The following HTT variants were observed in gnomAD, a reference collection of about 807,000 sequenced individuals.
HTT encodes the protein huntington disease protein.
In HTT, 104 loss-of-function variants were observed where a neutral mutation model predicts 362.3. The ratio of observed to expected loss-of-function variants is 0.29; its 90% CI spans 0.24 to 0.34. The LOEUF (loss-of-function observed/expected upper bound fraction) is 0.34. Ranked by LOEUF, HTT falls within the 10% of genes least tolerant of loss-of-function variation. The probability of loss-of-function intolerance (pLI) is 1.00; values close to 1 mark genes in which losing one functional copy is unlikely to be tolerated. For synonymous variants in HTT, 1,577 were observed against 1,548.7 expected (o/e 1.02, Z -0.43); for missense variants, 3,301 against 3,928.6 (o/e 0.84, Z 4.27).
intron 26 of HTT, among the ~76,000 whole-genome samples, chr4:3,152,411 C>T (rs1404488732): frequency 6.6e-6 from 1 of 152,030 alleles, no homozygotes; most frequent in Admixed American, 6.6e-5. Context: ...AAACAGCATT[C>T]TTGAGATAAT....
intron 21 of HTT, among the ~76,000 whole-genome samples, chr4:3,137,748 A>G (rs1003238532): frequency 1.3e-4 from 20 of 152,220 alleles, no homozygotes; most frequent in Admixed American, 2.6e-4. Context: ...CTGGGGTCAT[A>G]GTATAGATGG....
rs1446044804 is a variant in HTT at position 3,105,360 on chromosome 4, G to A, written c.532G>A (p.Gly178Ser). ...AACCCTCATTGCACCCCCTCAGAAT[G>A]GTGCCCCTCGGAGTTTGCGTGCTGC... The part of the protein sequence containing the change: ...LELYKEIKKN[G>S]APRSLRAALW... The change falls in exon 5 of 67, where the codon GGT becomes AGT. Residue 178 changes from glycine (G) to serine (S), a missense_variant. Coordinates refer to ENST00000355072, the MANE Select transcript of HTT (RefSeq NM_001388492.1). 1 of 1,612,904 alleles carries A rather than the reference G, an allele frequency of 6.2e-7. No homozygotes were observed. The highest frequency in any genetic ancestry group is 8.5e-7 in the Non-Finnish European group (1 of 1,178,900).
At chr4:3,144,808 T>C (rs1716521012) in intron 23 of HTT, among the ~76,000 whole-genome samples, 3 of 152,168 alleles carry the variant, frequency 2.0e-5, no homozygotes, top group Admixed American at 6.5e-5. Flanking sequence ...ATTCCTGCCC[T>C]TAGGGTTTCT....
chr4:3,240,110 G>A lies in HTT; in HGVS notation c.*51G>A, dbSNP rs753560198. On this transcript the variant is annotated 3_prime_UTR_variant, in exon 67 of 67. Transcript: ENST00000355072. ...GCGGCAGCTGGGGCCGGAGCCTTTG[G>A]AAGTCTGCGCCCTTGTGCCCTGCCT... The A allele has an allele frequency of 3.8e-5, 56 of 1,469,516 alleles. No homozygotes were observed. The South Asian group carries it at 6.3e-4, about 17-fold the overall frequency. 91.0% of individuals were successfully genotyped at this position (1,469,516 alleles called of 1,614,324 possible).
chr4:3,203,609 A>G (rs1175253467), intron 41 of HTT, among the ~76,000 whole-genome samples: 2 of 152,268 alleles, frequency 1.3e-5, no homozygotes, highest in South Asian at 2.1e-4. Context: ...ACAGTAAAAC[A>G]TGAAAGCAGG....
rs767041300 is a variant in HTT, at chr4:3,189,005, G to A, written c.5280G>A (p.Leu1760=). The change falls in exon 40 of 67, where the codon CTG becomes CTA. Residue 1760 remains leucine (L), a synonymous_variant. Transcript: ENST00000355072. ...TAGAAGACATTGTTACAAAACAGCT[G>A]AAGGTGGAAATGAGTGAGCAGCAAC... ...ILLEDIVTKQ[L]KVEMSEQQHT... 36 of 1,613,996 alleles carry A rather than the reference G, an allele frequency of 2.2e-5. No individual in the cohort carries two copies. The highest frequency in any genetic ancestry group is 3.0e-5 in the Non-Finnish European group (35 of 1,179,954).
chr4:3,204,284 A>G (rs1719740977), intron 42 of HTT, 136 bp downstream of exon 42: 1 of 776,540 alleles, frequency 1.3e-6, no homozygotes, highest in Non-Finnish European at 2.1e-6. Flanking sequence ...AACTAAATCT[A>G]GAATGAATGT....
intron 66 of HTT, 100 bp from the exon 67 acceptor site, chr4:3,239,746 G>A (rs1721719256): frequency 1.0e-6 from 1 of 964,014 alleles, no homozygotes; most frequent in African/African-American, 1.6e-5. Flanking sequence ...AGGCTCCCTG[G>A]ACCCCTTTGT....
intron 3 of HTT, among the ~76,000 whole-genome samples, chr4:3,101,448 G>A (rs576149448): frequency 6.6e-6 from 1 of 152,236 alleles, no homozygotes; most frequent in Non-Finnish European, 1.5e-5. Flanking sequence ...GGCCCAGCGG[G>A]CTGGCAGCGG....
chr4:3,134,318 G>T, intron 18 of HTT, 83 bp from the exon 19 acceptor site: 1 of 1,229,772 alleles, frequency 8.1e-7, no homozygotes, highest in South Asian at 1.5e-5. Context: ...GTGTGTTGAA[G>T]AGTGACGGTT....
chr4:3,115,025 G>A lies in HTT; in HGVS notation c.748-279G>A, dbSNP rs148961438. Among the ~76,000 whole-genome samples, 7 of 152,222 alleles carry A rather than the reference G, an allele frequency of 4.6e-5. No homozygotes were observed. In the East Asian group the frequency reaches 1.4e-3, roughly 29 times the overall value. On this transcript the variant is annotated intron_variant, in intron 6 of 66. Transcript: ENST00000355072. ...ACTGTCCCCAAATACTGTGGGCAGA[G>A]TGTATCTAGAATTGAGGCCTCCACC...
chr4:3,112,302 G>A (rs1714796169), intron 6 of HTT, among the ~76,000 whole-genome samples: 1 of 152,064 alleles, frequency 6.6e-6, no homozygotes, highest in Non-Finnish European at 1.5e-5. Context: ...TACCATACAG[G>A]ACAGAAATCA....
At chr4:3,233,862 C>T (rs362313) in intron 61 of HTT, among the ~76,000 whole-genome samples, 19,482 of 152,264 alleles carry the variant, frequency 0.13, 1,342 homozygotes, top group Middle Eastern at 0.16. Flanking sequence ...CTCTTCACAG[C>T]GATGTCTTAC....
rs1288871132 is a variant in HTT, at chr4:3,235,781, G to A, written c.8785+3G>A. On this transcript the variant is annotated splice_donor_region_variant and intron_variant, in intron 63 of 66. Transcript: ENST00000355072. The stretch of plus-strand genomic sequence containing the variant: ...GATGCTCACCTGCATGTACACAGGT[G>A]AGCATGTACACGGTGCCCATAAGGC... 1 of 1,603,092 alleles carries A rather than the reference G, an allele frequency of 6.2e-7. No individual in the cohort carries two copies. The highest frequency in any genetic ancestry group is 8.5e-7 in the Non-Finnish European group (1 of 1,177,406).
intron 9 of HTT, 159 bp downstream of exon 9, chr4:3,121,591 T>C (rs573158967): frequency 1.2e-5 from 7 of 582,950 alleles, no homozygotes; most frequent in East Asian, 3.0e-5. Context: ...AATAGGGGAG[T>C]TGGGCTGGGT....
intron 5 of HTT, among the ~76,000 whole-genome samples, chr4:3,105,692 G>A (rs1018709692): frequency 1.5e-4 from 23 of 152,212 alleles, no homozygotes; most frequent in Non-Finnish European, 4.4e-5. Flanking sequence ...GACAGCAGGG[G>A]TCTTACTGTC....
chr4:3,230,069 C>T (rs768836534), intron 60 of HTT, 27 bp downstream of exon 60: 10 of 1,608,464 alleles, frequency 6.2e-6, no homozygotes, highest in African/African-American at 1.3e-5. Context: ...ACAGAGGTTT[C>T]TGTGCTGAAG....
chr4:3,089,474 T>C (rs999473793), intron 2 of HTT, among the ~76,000 whole-genome samples: 10 of 152,152 alleles, frequency 6.6e-5, no homozygotes, highest in East Asian at 5.8e-4. Flanking sequence ...AGGATGGTCT[T>C]GATCTCCTGA....
intron 10 of HTT, among the ~76,000 whole-genome samples, chr4:3,123,770 A>C (rs1278231091): frequency 1.3e-5 from 2 of 152,234 alleles, no homozygotes; most frequent in Non-Finnish European, 2.9e-5. Flanking sequence ...AACTTTGTAC[A>C]TATCAGAATG....
Sources: gnomAD v4.1 joint callset for allele counts (sites outside exome capture counted in the v4.1 genomes callset) on GRCh38, gnomAD v4.1.1 for gene constraint, MANE v1.5 for transcripts, NCBI Gene and HGNC (gene_info 2026-07-23, HGNC 2026-07-21) for gene names.